PAK3: variants seen among roughly 807,000 people sequenced by gnomAD.
PAK3 encodes p21 (RAC1) activated kinase 3, also known as serine/threonine-protein kinase PAK 3.
A neutral mutation model predicts 41.0 loss-of-function variants in PAK3; 4 were observed. The ratio of observed to expected loss-of-function variants is 0.10; its 90% CI spans 0.05 to 0.22. The LOEUF (loss-of-function observed/expected upper bound fraction) is 0.22, where lower values mean the gene tolerates loss of function less well. Among genes scored for constraint, PAK3 ranks in the 10% least tolerant of loss-of-function variants. The pLI is 1.00. For synonymous variants in PAK3, 146 were observed against 139.6 expected (o/e 1.05, Z -0.32); for missense variants, 205 against 409.9 (o/e 0.50, Z 4.32).
At chrX:111,177,105 TA>T (rs202224577) in intron 11 of PAK3, among the ~76,000 whole-genome samples, 1,611 of 111,270 alleles carry the variant, frequency 0.014, 32 homozygotes, top group African/African-American at 0.05. Flanking sequence ...TAGAGTTTTT[TA>T]AAATTAAATC....
intron 16 of PAK3, among the ~76,000 whole-genome samples, chrX:111,198,331 G>T (rs905204050): frequency 1.8e-5 from 2 of 112,584 alleles, no homozygotes; most frequent in Non-Finnish European, 3.8e-5. Flanking sequence ...TCAGTTAAAT[G>T]AAGTTCCATG....
At chrX:111,071,493 G>T (rs1176283860) in intron 1 of PAK3, among the ~76,000 whole-genome samples, 2 of 111,570 alleles carry the variant, frequency 1.8e-5, no homozygotes, top group Non-Finnish European at 3.8e-5. Flanking sequence ...CACATGTAAG[G>T]ATTTAATACA....
chrX:111,173,147 A>T (rs1446178528), intron 11 of PAK3, 66 bp downstream of exon 11: 1 of 570,387 alleles, frequency 1.8e-6, no homozygotes, highest in East Asian at 3.5e-5. Context: ...ATTAAAATTC[A>T]GTAAGAGCTT....
chrX:111,206,163 G>C (rs1042449582), intron 16 of PAK3, among the ~76,000 whole-genome samples: 1 of 110,966 alleles, frequency 9.0e-6, no homozygotes. Flanking sequence ...TTCCACCAGC[G>C]ATATTCTCCT....
chrX:111,121,545 G>A (rs1030320593), intron 4 of PAK3, among the ~76,000 whole-genome samples: 2 of 112,054 alleles, frequency 1.8e-5, no homozygotes, highest in Admixed American at 1.9e-4. Context: ...GGGCCGGAAA[G>A]CATTGATAGA....
chrX:111,007,168 G>A (rs1238731042), intron 1 of PAK3, among the ~76,000 whole-genome samples: 1 of 110,252 alleles, frequency 9.1e-6, no homozygotes, highest in Non-Finnish European at 1.9e-5. Context: ...TTCTCTAAGT[G>A]GAGTGGGCCT....
At chrX:111,192,772 C>T (rs1039255220) in intron 13 of PAK3, among the ~76,000 whole-genome samples, 154 bp downstream of exon 13, 4 of 112,350 alleles carry the variant, frequency 3.6e-5, no homozygotes, top group African/African-American at 1.3e-4. Flanking sequence ...GCTAAACTTG[C>T]ACTCACTTAG....
chrX:111,108,373 A>C (rs1173544227), intron 4 of PAK3, among the ~76,000 whole-genome samples: 1 of 111,917 alleles, frequency 8.9e-6, no homozygotes, highest in Admixed American at 9.4e-5. Flanking sequence ...CACCTCCTCC[A>C]AGAGACAGCT....
In PAK3 at chrX:111,163,059, G is replaced by A. The variant is rs755791406; in HGVS notation, c.600+13G>A. ...GCATACAAAATCAGTAAGTCACAAA[G>A]GACTATTTCCAAATGATTCAAAAGA... is the stretch of plus-strand genomic sequence containing the variant. On this transcript the variant is annotated intron_variant, in intron 9 of 17. Transcript: ENST00000372007. The A allele has an allele frequency of 2.5e-6, 3 of 1,198,495 alleles. No individual in the cohort carries two copies. Among genetic ancestry groups the A allele is most frequent in the Non-Finnish European group, 2.3e-6 (2 of 885,472 alleles).
intron 1 of PAK3, among the ~76,000 whole-genome samples, chrX:110,982,483 G>A (rs2091465388): frequency 8.9e-6 from 1 of 112,176 alleles, no homozygotes; most frequent in Non-Finnish European, 1.9e-5. Flanking sequence ...CTCATCGCCT[G>A]GAACATAGGT....
At chrX:111,191,924 C>T (rs894587800) in intron 11 of PAK3, among the ~76,000 whole-genome samples, 2 of 110,942 alleles carry the variant, frequency 1.8e-5, no homozygotes, top group Non-Finnish European at 3.8e-5. Flanking sequence ...ATACTGTACA[C>T]TTAAAAATTT....
chrX:111,029,442 C>T (rs2092314851), intron 1 of PAK3, among the ~76,000 whole-genome samples: 1 of 111,795 alleles, frequency 8.9e-6, no homozygotes, highest in Non-Finnish European at 1.9e-5. Flanking sequence ...AGAACATAAA[C>T]AGTCAATCAA....
In PAK3 at chrX:111,162,912, A is replaced by G; in HGVS notation, c.469-3A>G. On this transcript the variant is annotated splice_polypyrimidine_tract_variant and splice_region_variant and intron_variant, in intron 8 of 17. Coordinates refer to ENST00000372007, the MANE Select transcript of PAK3 (RefSeq NM_002578.5). ...GATCTTTAAACTTTGTTTTTGTCAC[A>G]AGAGTACAAAAACAGCATCTGAGCC... The G allele has an allele frequency of 8.3e-7, 1 of 1,203,774 alleles. No individual in the cohort carries two copies. The highest frequency in any genetic ancestry group is 1.1e-6 in the Non-Finnish European group (1 of 888,396).
At chrX:111,046,873 A>G (rs1481679283) in intron 1 of PAK3, among the ~76,000 whole-genome samples, 2 of 112,010 alleles carry the variant, frequency 1.8e-5, no homozygotes, top group Admixed American at 1.9e-4. Flanking sequence ...CCCTTAATGC[A>G]ACAGAACTTG....
At chrX:111,074,969 G>A (rs1273062177) in intron 1 of PAK3, among the ~76,000 whole-genome samples, 2 of 111,831 alleles carry the variant, frequency 1.8e-5, no homozygotes, top group Admixed American at 1.9e-4. Context: ...TTGGGTATCT[G>A]GTGGAAGGAA....
intron 1 of PAK3, among the ~76,000 whole-genome samples, chrX:110,987,175 G>C (rs1043096830): frequency 3.6e-5 from 4 of 112,020 alleles, no homozygotes; most frequent in Middle Eastern, 4.2e-3. Flanking sequence ...CTCTGTGGGA[G>C]GGATGGAGCT....
intron 1 of PAK3, among the ~76,000 whole-genome samples, chrX:111,074,691 T>C: frequency 8.9e-6 from 1 of 112,150 alleles, no homozygotes; most frequent in Middle Eastern, 4.6e-3. Context: ...GGGTAACAGA[T>C]AAAGGTTGAA....
intron 5 of PAK3, among the ~76,000 whole-genome samples, chrX:111,127,613 C>T (rs974886906): frequency 1.8e-5 from 2 of 111,090 alleles, no homozygotes; most frequent in African/African-American, 3.3e-5. Flanking sequence ...AGGAAAGAGA[C>T]ATCCTAACCA....
intron 1 of PAK3, among the ~76,000 whole-genome samples, chrX:110,954,303 G>C (rs770944176): frequency 2.7e-5 from 3 of 112,313 alleles, no homozygotes; most frequent in Admixed American, 1.9e-4. Context: ...TTTATTAACT[G>C]TTTGTTGTGT....
Sources: allele counts gnomAD v4.1 joint callset (sites outside exome capture counted in the v4.1 genomes callset), GRCh38; gene constraint gnomAD v4.1.1; transcripts MANE v1.5; gene names NCBI Gene and HGNC (gene_info 2026-07-23, HGNC 2026-07-21).